The following MAGI2 variants were observed in gnomAD, a reference collection of about 807,000 sequenced individuals.
MAGI2 encodes the protein membrane associated guanylate kinase, WW and PDZ domain containing 2, also known as membrane-associated guanylate kinase, WW and PDZ domain-containing protein 2.
A neutral mutation model predicts 133.3 loss-of-function variants in MAGI2; 35 were observed. The observed-to-expected ratio is 0.26, with a 90% CI of 0.20 to 0.35. The LOEUF is 0.35. Ranked by LOEUF, MAGI2 falls within the 10% of genes least tolerant of loss-of-function variation. The pLI, the probability that MAGI2 is intolerant of heterozygous loss-of-function variation, is 1.00. For synonymous variants in MAGI2, 729 were observed against 710.6 expected (o/e 1.03, Z -0.41); for missense variants, 1,636 against 1,863.4 (o/e 0.88, Z 2.25).
At chr7:79,065,256 G>C (rs928474552) in intron 1 of MAGI2, among the ~76,000 whole-genome samples, 2 of 151,906 alleles carry the variant, frequency 1.3e-5, no homozygotes, top group African/African-American at 4.8e-5. Flanking sequence ...GCCACTAGTT[G>C]GTATACACTT....
intron 1 of MAGI2, among the ~76,000 whole-genome samples, chr7:79,058,140 A>AG (rs1349564585): frequency 2.6e-5 from 4 of 152,104 alleles, no homozygotes; most frequent in African/African-American, 4.8e-5. Flanking sequence ...GAGAACAACA[A>AG]GGCAAAAGAC....
intron 19 of MAGI2, among the ~76,000 whole-genome samples, chr7:78,126,600 C>T (rs1219301868): frequency 2.6e-5 from 4 of 152,190 alleles, no homozygotes; most frequent in Non-Finnish European, 5.9e-5. Context: ...AACTGAATCT[C>T]AGAGAAGTTA....
chr7:79,024,245 T>G (rs1035585060), intron 1 of MAGI2, among the ~76,000 whole-genome samples: 4 of 152,132 alleles, frequency 2.6e-5, no homozygotes, highest in African/African-American at 7.2e-5. Flanking sequence ...AGTATCCCTA[T>G]TCAATAAGTG....
At chr7:78,528,380 T>C (rs981781658) in intron 3 of MAGI2, among the ~76,000 whole-genome samples, 5 of 152,106 alleles carry the variant, frequency 3.3e-5, no homozygotes, top group African/African-American at 7.2e-5. Context: ...TTAATAGAAA[T>C]GGATAAATCA....
At position 79,410,051 on chromosome 7, in the gene MAGI2, GTTA is replaced by G. The variant is rs1290578569; in HGVS notation, c.301+42966_301+42968del. 34 of 152,110 alleles carry G rather than the reference GTTA, an allele frequency of 2.2e-4. 2 individuals are homozygous for G. In the East Asian group the frequency reaches 5.4e-3, roughly 24 times the overall value. 9.4% of individuals were successfully genotyped at this position (152,110 alleles called of 1,614,324 possible). ...TAGAAACACATATAGGAATTCAGGA[GTTA>G]TTATATTATCAAAATAATATTAAAG... On this transcript the variant is annotated intron_variant, in intron 1 of 21. Coordinates refer to ENST00000354212, the MANE Select transcript of MAGI2 (RefSeq NM_012301.4).
intron 1 of MAGI2, among the ~76,000 whole-genome samples, chr7:79,200,424 G>A (rs571834245): frequency 2.0e-5 from 3 of 148,398 alleles, no homozygotes; most frequent in South Asian, 2.1e-4. Context: ...GCAACATGGC[G>A]AAACCCCGTC....
intron 2 of MAGI2, among the ~76,000 whole-genome samples, chr7:78,858,809 G>T (rs572221272): frequency 2.0e-5 from 3 of 152,076 alleles, no homozygotes; most frequent in Admixed American, 6.5e-5. Context: ...TTTCTGTCTC[G>T]TTGATCTCTC....
intron 3 of MAGI2, among the ~76,000 whole-genome samples, chr7:78,527,598 C>A (rs1291297759): frequency 1.3e-5 from 2 of 152,054 alleles, no homozygotes; most frequent in African/African-American, 4.8e-5. Context: ...CTTTTAAATT[C>A]CAGTATTATG....
At chr7:78,656,539 G>T (rs1812298328) in intron 2 of MAGI2, among the ~76,000 whole-genome samples, 2 of 152,086 alleles carry the variant, frequency 1.3e-5, no homozygotes, top group African/African-American at 4.8e-5. Context: ...AGGGTACTGG[G>T]GGAAATGGGG....
chr7:78,366,034 T>C (rs1455085887), intron 7 of MAGI2, among the ~76,000 whole-genome samples: 1 of 152,222 alleles, frequency 6.6e-6, no homozygotes, highest in Non-Finnish European at 1.5e-5. Context: ...TTTTTGCTAC[T>C]GGGTTGGAAG....
chr7:79,306,266 T>A, intron 1 of MAGI2, among the ~76,000 whole-genome samples: 1 of 146,900 alleles, frequency 6.8e-6, no homozygotes, highest in East Asian at 2.0e-4. Context: ...TATATTTATA[T>A]ATATTTTATT....
At chr7:78,186,992 A>G (rs1210967147) in intron 12 of MAGI2, among the ~76,000 whole-genome samples, 11 of 152,164 alleles carry the variant, frequency 7.2e-5, no homozygotes, top group Admixed American at 7.2e-4. Context: ...AGAAATACTC[A>G]AGAAGCTAAA....
rs547656107 is a variant in MAGI2, at chr7:78,824,462, C to T, written c.418+182628G>A. 3.9e-5 allele frequency among the ~76,000 whole-genome samples: 6 copies of T among 152,236 alleles called. 1 individual carries two copies. The highest frequency in any genetic ancestry group is 4.1e-4 in the South Asian group (2 of 4,824). On this transcript the variant is annotated intron_variant, in intron 2 of 21. Coordinates refer to ENST00000354212, the MANE Select transcript of MAGI2 (RefSeq NM_012301.4). ...TGTTCTTTCCTGACTTTTTAATATTCGCCATTCTGACTAGCATGAGATGGT... is the reference window on the plus strand; with the variant it reads ...TGTTCTTTCCTGACTTTTTAATATTTGCCATTCTGACTAGCATGAGATGGT...
At chr7:78,184,545 T>G (rs1307393391) in intron 13 of MAGI2, 1 of 152,188 alleles carries the variant, frequency 6.6e-6, no homozygotes, top group Non-Finnish European at 1.5e-5. Flanking sequence ...CCCACAGCCC[T>G]GAAATAGTGC....
At chr7:78,699,110 T>A (rs1301405716) in intron 2 of MAGI2, among the ~76,000 whole-genome samples, 2 of 152,202 alleles carry the variant, frequency 1.3e-5, no homozygotes, top group Non-Finnish European at 2.9e-5. Context: ...ACACAAACTT[T>A]GCTGCTGTTG....
At chr7:78,844,184 C>T (rs1157089126) in intron 2 of MAGI2, among the ~76,000 whole-genome samples, 1 of 151,226 alleles carries the variant, frequency 6.6e-6, no homozygotes, top group East Asian at 1.9e-4. Flanking sequence ...CAATAGCTTC[C>T]CTAATGAAAT....
chr7:79,291,149 T>G (rs1213635215), intron 1 of MAGI2, among the ~76,000 whole-genome samples: 1 of 152,152 alleles, frequency 6.6e-6, no homozygotes, highest in African/African-American at 2.4e-5. Flanking sequence ...TCTGGACATT[T>G]CATATAAATT....
chr7:79,125,703 G>A (rs935792556), intron 1 of MAGI2: 3 of 527,846 alleles, frequency 5.7e-6, no homozygotes, highest in East Asian at 5.1e-5. Flanking sequence ...AAACTTTGGA[G>A]GCAGAAGCTC....
intron 3 of MAGI2, among the ~76,000 whole-genome samples, chr7:78,601,206 C>T (rs554772666): frequency 2.6e-5 from 4 of 152,158 alleles, no homozygotes; most frequent in Non-Finnish European, 4.4e-5. Flanking sequence ...ACACACTATT[C>T]TAGGGACTGG....
Sources: gnomAD v4.1 joint callset for allele counts (sites outside exome capture counted in the v4.1 genomes callset) on GRCh38, gnomAD v4.1.1 for gene constraint, MANE v1.5 for transcripts, NCBI Gene and HGNC (gene_info 2026-07-23, HGNC 2026-07-21) for gene names.